The following MYLK variants were observed in gnomAD, a reference collection of about 807,000 sequenced individuals.
The protein encoded by MYLK is myosin light chain kinase.
MYLK carries 106 observed loss-of-function variants against 203.4 expected under a neutral mutation model. The ratio of observed to expected loss-of-function variants is 0.52; its 90% CI spans 0.45 to 0.61. The LOEUF (loss-of-function observed/expected upper bound fraction) is 0.61. MYLK is among the 20% of genes least tolerant of loss of function. MYLK has a pLI of 0.00. For missense variants in MYLK, 2,072 were observed against 2,442.3 expected (o/e 0.85, Z 3.20); for synonymous variants, 867 against 959.5 (o/e 0.90, Z 1.78).
rs80038280 is a variant in MYLK, at chr3:123,858,249, G to A, written c.-127+18310C>T. On this transcript the variant is annotated intron_variant, in intron 2 of 33. Coordinates refer to ENST00000360304, the MANE Select transcript of MYLK (RefSeq NM_053025.4). ...GTGGAGTGCAGCTTGGGAGAACTGA[G>A]AGGTCTCCAGAGTGGGAGAGGTCTC... 3.6e-3 allele frequency among the ~76,000 whole-genome samples: 548 copies of A among 152,300 alleles called. 4 individuals are homozygous for A. Among genetic ancestry groups the A allele is most frequent in the South Asian group, 0.011 (52 of 4,818 alleles).
intron 33 of MYLK, chr3:123,616,761 T>G (rs41301339): frequency 2.6e-5 from 4 of 152,258 alleles, no homozygotes; most frequent in Admixed American, 6.5e-5. Context: ...TGGCACGTCC[T>G]TCTCTCTCGC....
At chr3:123,713,873 A>C (rs2108681617) in intron 13 of MYLK, among the ~76,000 whole-genome samples, 1 of 152,284 alleles carries the variant, frequency 6.6e-6, no homozygotes, top group East Asian at 1.9e-4. Flanking sequence ...CTGCATCATC[A>C]GTCTAATGCA....
chr3:123,659,933 A>G (rs1054110538), intron 23 of MYLK, among the ~76,000 whole-genome samples: 3 of 152,224 alleles, frequency 2.0e-5, no homozygotes, highest in African/African-American at 7.2e-5. Flanking sequence ...TCTAATTTCC[A>G]GGAAAATGGA....
chr3:123,706,347 C>T (rs1425666766), intron 16 of MYLK, among the ~76,000 whole-genome samples: 2 of 152,152 alleles, frequency 1.3e-5, no homozygotes, highest in African/African-American at 2.4e-5. Flanking sequence ...TTGGGTTTTG[C>T]AGTAGCCTTG....
At chr3:123,722,384 A>G in intron 12 of MYLK, 104 bp from the exon 13 acceptor site, 1 of 1,042,346 alleles carries the variant, frequency 9.6e-7, no homozygotes, top group Admixed American at 2.8e-5. Flanking sequence ...GAGACTTGTC[A>G]TGCTTGCTCA....
intron 24 of MYLK, among the ~76,000 whole-genome samples, chr3:123,655,976 A>G (rs2059378156): frequency 6.6e-6 from 1 of 152,210 alleles, no homozygotes. Context: ...TCATCTTAGA[A>G]TCTTCCAGTT....
intron 4 of MYLK, among the ~76,000 whole-genome samples, chr3:123,775,154 C>T (rs990032676): frequency 3.9e-5 from 6 of 152,164 alleles, no homozygotes; most frequent in African/African-American, 4.8e-5. Context: ...CTCTCAGTAG[C>T]TGGGACTACA....
At chr3:123,824,007 T>C (rs569439221) in intron 3 of MYLK, among the ~76,000 whole-genome samples, 109 of 152,292 alleles carry the variant, frequency 7.2e-4, no homozygotes, top group Non-Finnish European at 1.4e-3. Context: ...GGGGGGCCTT[T>C]CTTGACCACT....
At chr3:123,689,704 G>C (rs11717814) in intron 19 of MYLK, 81,594 of 152,154 alleles carry the variant, frequency 0.54, 27,366 homozygotes, top group Non-Finnish European at 0.77. Flanking sequence ...AGGTCAGCTT[G>C]TTCTCCTCCT....
intron 2 of MYLK, among the ~76,000 whole-genome samples, chr3:123,850,142 A>G: frequency 6.6e-6 from 1 of 152,140 alleles, no homozygotes; most frequent in East Asian, 1.9e-4. Flanking sequence ...CCAGTCTATC[A>G]TTGTTGGACA....
intron 33 of MYLK, 34 bp from the exon 34 acceptor site, chr3:123,614,383 A>G (rs764191812): frequency 6.2e-7 from 1 of 1,613,720 alleles, no homozygotes; most frequent in Non-Finnish European, 8.5e-7. Flanking sequence ...AGTTGCAGGA[A>G]CTGTTATTCA....
chr3:123,733,185 C>T lies in MYLK; in HGVS notation c.1310-83G>A, dbSNP rs1431400251. 12 of 1,484,948 alleles carry T rather than the reference C, an allele frequency of 8.1e-6. 1 individual carries two copies. The highest frequency in any genetic ancestry group is 2.4e-5 in the South Asian group (2 of 83,074). 92.0% of individuals were successfully genotyped at this position (1,484,948 alleles called of 1,614,324 possible). ...GTGAGGTAGGTGGGGAAGGTGTGAG[C>T]TGGAGGAAAGGGCTCAGTTTGGTGT... On this transcript the variant is annotated intron_variant, in intron 10 of 33. Coordinates refer to ENST00000360304, the MANE Select transcript of MYLK (RefSeq NM_053025.4).
At chr3:123,653,990 GTGTGTGT>G (rs2059309094) in intron 24 of MYLK, among the ~76,000 whole-genome samples, 7 of 123,166 alleles carry the variant, frequency 5.7e-5, no homozygotes, top group African/African-American at 2.6e-4. Context: ...GGGATGTTGT[GTGTGTGT>G]GTGTGTGTGT....
At chr3:123,711,147 T>G (rs1430299128) in intron 13 of MYLK, among the ~76,000 whole-genome samples, 4 of 151,598 alleles carry the variant, frequency 2.6e-5, no homozygotes, top group Non-Finnish European at 5.9e-5. Flanking sequence ...TCCATTTATA[T>G]AAAATTCTAG....
intron 4 of MYLK, among the ~76,000 whole-genome samples, chr3:123,756,675 G>A (rs79331277): frequency 0.042 from 6,454 of 152,164 alleles, 476 homozygotes; most frequent in African/African-American, 0.15. Flanking sequence ...CTCCATATGA[G>A]AAAACCAAGT....
In MYLK at chr3:123,700,995, G is replaced by C. The variant is rs746575305; in HGVS notation, c.2473C>G (p.Pro825Ala). Residue 825 changes from proline to alanine, a missense_variant, in exon 18 of 34, where the codon CCT becomes GCT. Coordinates refer to ENST00000360304, the MANE Select transcript of MYLK (RefSeq NM_053025.4). ...CCACAGAGGTCCTCGCAGCTGGCAG[G>C]CTCCCTCCCCCTGCAACCAGTGTAG... ...SARALPRGRE[P>A]ASCEDLCGGG... 2 of 1,604,790 alleles carry C rather than the reference G, an allele frequency of 1.2e-6. No individual in the cohort carries two copies. Among genetic ancestry groups the C allele is most frequent in the East Asian group, 4.5e-5 (2 of 44,866 alleles).
In MYLK at chr3:123,752,539, C is replaced by A; in HGVS notation, c.166-1G>T. ...CCTGGGGCTCTGGGTAACCCCGGAC[C>A]TTCAAGAAAAAGAAGAAAGGGTAAG... On this transcript the variant is annotated splice_acceptor_variant, in intron 4 of 33. Coordinates refer to ENST00000360304, the MANE Select transcript of MYLK (RefSeq NM_053025.4). LOFTEE classifies it high-confidence loss of function. 1 of 1,611,996 alleles carries A rather than the reference C, an allele frequency of 6.2e-7. No homozygotes were observed. The highest frequency in any genetic ancestry group is 1.1e-5 in the South Asian group (1 of 90,862).
chr3:123,649,646 T>C (rs2059142304), intron 24 of MYLK, among the ~76,000 whole-genome samples: 1 of 152,208 alleles, frequency 6.6e-6, no homozygotes, highest in Admixed American at 6.5e-5. Flanking sequence ...GGACCAAGCA[T>C]CTTGAATGCC....
chr3:123,840,513 CA>C (rs1305982906), intron 2 of MYLK, among the ~76,000 whole-genome samples: 1 of 150,478 alleles, frequency 6.6e-6, no homozygotes, highest in Non-Finnish European at 1.5e-5. Flanking sequence ...CACAAACTAC[CA>C]AAATTCCCAC....
Sources: allele counts gnomAD v4.1 joint callset (sites outside exome capture counted in the v4.1 genomes callset), GRCh38; gene constraint gnomAD v4.1.1; transcripts MANE v1.5; gene names NCBI Gene and HGNC (gene_info 2026-07-23, HGNC 2026-07-21).